COL18A1: variants seen among roughly 807,000 people sequenced by gnomAD.
The protein encoded by COL18A1 is collagen alpha-1(XVIII) chain.
COL18A1 carries 133 observed loss-of-function variants against 168.0 expected under a neutral mutation model. The observed-to-expected ratio is 0.79, with a 90% CI of 0.69 to 0.91. COL18A1 has a LOEUF of 0.91. Ranked by LOEUF, COL18A1 falls within the 40% of genes least tolerant of loss-of-function variation. COL18A1 has a pLI of 0.00. For synonymous variants in COL18A1, 949 were observed against 809.0 expected (o/e 1.17, Z -2.94); for missense variants, 2,126 against 1,925.4 (o/e 1.10, Z -1.95).
At chr21:45,455,914 G>C (rs1373441086) in intron 2 of COL18A1, 1 of 1,613,080 alleles carries the variant, frequency 6.2e-7, no homozygotes. Context: ...TCCAGCTGTG[G>C]AATGACACTG....
chr21:45,429,862 C>T (rs991809837), intron 2 of COL18A1, among the ~76,000 whole-genome samples: 4 of 151,984 alleles, frequency 2.6e-5, no homozygotes, highest in East Asian at 1.9e-4. Flanking sequence ...GTCTCTACAG[C>T]GGTGCCAGGC....
rs1215251128 is a variant in COL18A1 at position 45,428,362 on chromosome 21, C to G, written c.106+22889C>G. 5.3e-5 allele frequency among the ~76,000 whole-genome samples: 8 copies of G among 152,298 alleles called. No homozygotes were observed. In the East Asian group the frequency reaches 1.2e-3, roughly 22 times the overall value. On this transcript the variant is annotated intron_variant, in intron 2 of 41. Transcript: ENST00000651438. ...CCAGGCGTGGCCAAGGATGGGGTCT[C>G]TGGGATCAGGAGACTTCAGTAGCAG...
chr21:45,510,360 C>A, intron 40 of COL18A1, 99 bp downstream of exon 40: 1 of 1,331,182 alleles, frequency 7.5e-7, no homozygotes, highest in Non-Finnish European at 1.1e-6. Context: ...CCTCTGGAGG[C>A]CACCATGTTA....
At chr21:45,493,647 C>G in intron 26 of COL18A1, 72 bp downstream of exon 26, 1 of 1,159,448 alleles carries the variant, frequency 8.6e-7, no homozygotes, top group Non-Finnish European at 1.3e-6. Flanking sequence ...TGGGGAGGGT[C>G]TTCCTGAGGG....
rs992734900 is a variant in COL18A1 at position 45,512,485 on chromosome 21, G to A, written c.*87G>A. 9 of 1,293,932 alleles carry A rather than the reference G, an allele frequency of 7.0e-6. No homozygotes were observed. The Admixed American group carries it at 1.4e-4, about 20-fold the overall frequency. 80.2% of individuals were successfully genotyped at this position (1,293,932 alleles called of 1,614,324 possible). A position where few individuals can be genotyped will look rare whatever the true frequency, so the allele number is the denominator to read the frequency against. On this transcript the variant is annotated 3_prime_UTR_variant, in exon 42 of 42. Transcript: ENST00000651438. Reference sequence around the variant, plus strand: ...GCAGGGAGCGGCCGGCCAGCCCCTGGCCCCAGGACCTGGCTGCCATACTTT... The same window carrying A: ...GCAGGGAGCGGCCGGCCAGCCCCTGACCCCAGGACCTGGCTGCCATACTTT...
Position 45,473,895 on chromosome 21 carries a change from G to A in COL18A1, c.652G>A (p.Gly218Arg), listed in dbSNP as rs1360986083. 2 of 1,599,468 alleles carry A rather than the reference G, an allele frequency of 1.3e-6. No individual in the cohort carries two copies. The highest frequency in any genetic ancestry group is 1.7e-6 in the Non-Finnish European group (2 of 1,173,362). Residue 218 changes from glycine to arginine, a missense_variant and splice_region_variant, in exon 4 of 42, where the codon GGG (glycine) becomes AGG (arginine). Transcript: ENST00000651438. The surrounding 1 kb of genome is among the most constrained non-coding windows in gnomAD (Gnocchi z 4.0). Reference sequence around the variant, plus strand: ...GACCCCTTTCTCTGTCTGCATTTAGGGGGTGATCGCTGAGCTGAAGGTGCG... The same window carrying A: ...GACCCCTTTCTCTGTCTGCATTTAGAGGGTGATCGCTGAGCTGAAGGTGCG... ...AGGADPDKFQ[G>R]VIAELKVRRD... is the part of the protein sequence containing the mutation.
chr21:45,476,529 G>A (rs1456323326), intron 6 of COL18A1, 49 bp downstream of exon 6: 1 of 1,550,340 alleles, frequency 6.5e-7, no homozygotes, highest in Non-Finnish European at 8.7e-7. Flanking sequence ...GGTGTGTGTG[G>A]TGTGTAACGT....
rs372731688 is a variant in COL18A1 at position 45,468,321 on chromosome 21, C to G, written c.186C>G (p.Pro62=). Residue 62 remains proline, a synonymous_variant, in exon 3 of 42, where the codon CCC becomes CCG. Coordinates refer to ENST00000651438, the MANE Select transcript of COL18A1 (RefSeq NM_001379500.1). ...AGCAGGTCACCCAGACGGATGACCC[C>G]GACGTCGGGCTGGCCTACGTCTTTG... ...PPQQVTQTDD[P]DVGLAYVFGP... 2 of 1,613,452 alleles carry G rather than the reference C, an allele frequency of 1.2e-6. No homozygotes were observed. Among genetic ancestry groups the G allele is most frequent in the Non-Finnish European group, 1.7e-6 (2 of 1,180,042 alleles).
intron 5 of COL18A1, 82 bp from the exon 6 acceptor site, chr21:45,476,269 G>A (rs1190878147): frequency 4.4e-6 from 7 of 1,592,110 alleles, no homozygotes; most frequent in Admixed American, 1.7e-5. Context: ...GCGATCTTAA[G>A]TATTTCATTT....
chr21:45,405,519 C>A, intron 2 of COL18A1, 46 bp downstream of exon 2: 2 of 1,185,434 alleles, frequency 1.7e-6, no homozygotes, highest in South Asian at 2.5e-5. Flanking sequence ...TGCCCGCCGG[C>A]CTCGCCGCCC....
At chr21:45,506,495 A>C in intron 37 of COL18A1, 1 of 213,348 alleles carries the variant, frequency 4.7e-6, no homozygotes, top group East Asian at 1.1e-4. Flanking sequence ...AGGACAGGCC[A>C]GCCCCTTTCC....
rs1568931329 is a variant in COL18A1 at position 45,498,450 on chromosome 21, C to T, written c.2683+789C>T. 6 of 700,724 alleles carry T rather than the reference C, an allele frequency of 8.6e-6. No homozygotes were observed. The highest frequency in any genetic ancestry group is 2.0e-5 in the Admixed American group (1 of 49,216). 43.4% of individuals were successfully genotyped at this position (700,724 alleles called of 1,614,324 possible). On this transcript the variant is annotated intron_variant, in intron 32 of 41. Coordinates refer to ENST00000651438, the MANE Select transcript of COL18A1 (RefSeq NM_001379500.1). This position sits in a 1 kb window ranked among gnomAD's most constrained non-coding sequence, Gnocchi z 4.5. ...CACGGTCCCCTCTCGCCGCCAGGGTCCCCTCTCGCCGCCACGGTCCCCGCT... is the reference window on the plus strand; with the variant it reads ...CACGGTCCCCTCTCGCCGCCAGGGTTCCCTCTCGCCGCCACGGTCCCCGCT...
Position 45,512,413 on chromosome 21 carries a change from C to T in COL18A1, c.*15C>T, listed in dbSNP as rs149459132. 2.6e-4 allele frequency: 412 copies of T among 1,610,088 alleles called. 2 individuals carry two copies. The East Asian group carries it at 6.7e-3, about 26-fold the overall frequency. On this transcript the variant is annotated 3_prime_UTR_variant, in exon 42 of 42. Transcript: ENST00000651438. Reference sequence around the variant, plus strand: ...CCTCCAAGTAGCCACCGCCTGGATGCGGATGGCCGGAGAGGACCGGCGGCT... The same window carrying T: ...CCTCCAAGTAGCCACCGCCTGGATGTGGATGGCCGGAGAGGACCGGCGGCT...
intron 1 of COL18A1, 66 bp downstream of exon 1, chr21:45,405,307 C>CGGCTGGGTCCT (rs2033048172): frequency 5.1e-6 from 4 of 784,810 alleles, no homozygotes; most frequent in African/African-American, 4.2e-5. Flanking sequence ...TCGCGGGGGT[C>CGGCTGGGTCCT]GCGGGGCTCG....
chr21:45,418,614 C>T (rs1398706525), intron 2 of COL18A1, among the ~76,000 whole-genome samples: 1 of 136,836 alleles, frequency 7.3e-6, no homozygotes, highest in Non-Finnish European at 1.6e-5. Context: ...CCGCCTCGTG[C>T]ACCTGCTGAC....
Position 45,497,050 on chromosome 21 carries a change from G to C in COL18A1, c.2578G>C (p.Val860Leu). The change falls in exon 31 of 42, where the codon GTG becomes CTG. Residue 860 changes from valine (V) to leucine (L), a missense_variant and splice_region_variant. By Grantham distance (32) the Val-to-Leu change is conservative. Coordinates refer to ENST00000651438, the MANE Select transcript of COL18A1 (RefSeq NM_001379500.1). ...PPGTPVYDSN[V>L]FAESSRPGPP... Reference sequence around the variant, plus strand: ...AGCCGCCTCTCCCCGTTCCTTGCAGGTGTTTGCTGAGTCCAGCCGCCCCGG... The same window carrying C: ...AGCCGCCTCTCCCCGTTCCTTGCAGCTGTTTGCTGAGTCCAGCCGCCCCGG... The C allele has an allele frequency of 6.2e-7, 1 of 1,603,320 alleles. No homozygotes were observed. Among genetic ancestry groups the C allele is most frequent in the Non-Finnish European group, 8.5e-7 (1 of 1,174,446 alleles).
At chr21:45,405,307 CGCGGGGCTCGGCCGGGTCCT>C (rs1351836345) in intron 1 of COL18A1, 52 bp from the exon 2 acceptor site, 2 of 784,808 alleles carry the variant, frequency 2.5e-6, no homozygotes, top group African/African-American at 2.1e-5. Context: ...TCGCGGGGGT[CGCGGGGCTCGGCCGGGTCCT>C]GCGGGGGTCG....
At chr21:45,504,383 G>C in intron 33 of COL18A1, 33 bp from the exon 34 acceptor site, 1 of 1,603,462 alleles carries the variant, frequency 6.2e-7, no homozygotes, top group Non-Finnish European at 8.5e-7. Flanking sequence ...TAGGGGTTCA[G>C]GGCTCCCGTG....
intron 2 of COL18A1, among the ~76,000 whole-genome samples, chr21:45,454,686 C>A (rs2145848400): frequency 6.6e-6 from 1 of 152,366 alleles, no homozygotes; most frequent in Middle Eastern, 3.4e-3. Flanking sequence ...GCACACTCAG[C>A]ACCCACTGCT....
Sources: gnomAD v4.1 joint callset for allele counts (sites outside exome capture counted in the v4.1 genomes callset) on GRCh38, gnomAD v4.1.1 for gene constraint, Gnocchi (gnomAD v3.1) non-coding constraint, MANE v1.5 for transcripts, NCBI Gene and HGNC (gene_info 2026-07-23, HGNC 2026-07-21) for gene names.